The following ZNF786 variants were observed in gnomAD, a reference collection of about 807,000 sequenced individuals.
ZNF786 encodes zinc finger protein 786.
Under a neutral mutation model 63.1 loss-of-function variants are expected in ZNF786, and 56 were observed. That is an observed-to-expected ratio of 0.89 (90% CI 0.72 to 1.11). The LOEUF (loss-of-function observed/expected upper bound fraction) is 1.11, where lower values mean the gene tolerates loss of function less well. Ranked by LOEUF, ZNF786 falls within the 50% of genes least tolerant of loss-of-function variation. The pLI, the probability that ZNF786 is intolerant of heterozygous loss-of-function variation, is 0.00. For synonymous variants in ZNF786, 485 were observed against 406.9 expected (o/e 1.19, Z -2.31); for missense variants, 1,213 against 1,041.8 (o/e 1.16, Z -2.26).
intron 2 of ZNF786, among the ~76,000 whole-genome samples, chr7:149,075,807 C>T (rs207468789): frequency 4.6e-5 from 7 of 151,718 alleles, no homozygotes; most frequent in Admixed American, 3.3e-4. Context: ...GGACTACAGG[C>T]GGGAGCCACC....
In ZNF786 at chr7:149,071,169, T is replaced by G; in HGVS notation, c.1603A>C (p.Arg535=). The change falls in exon 4 of 4, where the codon AGG becomes CGG. Residue 535 remains arginine, a synonymous_variant. Coordinates refer to ENST00000491431, the MANE Select transcript of ZNF786 (RefSeq NM_152411.4). ...REHLRVHSGE[R]PFQCLKCDKR... ...TCGCACTTCAGGCACTGGAAGGGCC[T>G]CTCCCCGCTGTGCACTCTCAGGTGC... 1 of 1,612,376 alleles carries G rather than the reference T, an allele frequency of 6.2e-7. No homozygotes were observed. Among genetic ancestry groups the G allele is most frequent in the Non-Finnish European group, 8.5e-7 (1 of 1,179,358 alleles).
Position 149,072,341 on chromosome 7 carries a change from T to C in ZNF786, c.431A>G (p.His144Arg). Residue 144 changes from histidine to arginine, a missense_variant, in exon 4 of 4, where the codon CAC becomes CGC. Physicochemically the swap from His to Arg is conservative, Grantham distance 29 (BLOSUM62 0). Transcript: ENST00000491431. ...TAGTGGTGGAGGAGCCCTGGCGTCG[T>C]GTCTCTGTGGGCTCCCGAGGGTGAT... ...QGITLGSPQR[H>R]DARAPPPLAC... 6.2e-7 allele frequency: 1 copy of C among 1,613,744 alleles called. No homozygotes were observed. Among genetic ancestry groups the C allele is most frequent in the Middle Eastern group, 1.6e-4 (1 of 6,062 alleles).
At chr7:149,080,813 A>G (rs941929497) in intron 1 of ZNF786, 96 bp from the exon 2 acceptor site, 8 of 1,463,480 alleles carry the variant, frequency 5.5e-6, no homozygotes, top group Non-Finnish European at 7.3e-6. Context: ...TGCAGTGGAC[A>G]AATGTTTTTG....
chr7:149,084,162 AC>A (rs973618153), intron 1 of ZNF786, among the ~76,000 whole-genome samples: 1 of 151,998 alleles, frequency 6.6e-6, no homozygotes, highest in Non-Finnish European at 1.5e-5. Flanking sequence ...GGAGTTCTAG[AC>A]CAGCCTGGCC....
chr7:149,074,319 A>T (rs952002639), intron 3 of ZNF786, 67 bp downstream of exon 3: 214 of 1,576,574 alleles, frequency 1.4e-4, no homozygotes, highest in Non-Finnish European at 1.8e-4. Flanking sequence ...GGATGACAAG[A>T]TCAGAGAAGA....
Position 149,071,664 on chromosome 7 carries a change from A to G in ZNF786, c.1108T>C (p.Ser370Pro), listed in dbSNP as rs777006177. Residue 370 changes from serine (S) to proline (P), a missense_variant, in exon 4 of 4, where the codon TCC becomes CCC. Ser to Pro is a moderately conservative substitution (Grantham distance 74). Coordinates refer to ENST00000491431, the MANE Select transcript of ZNF786 (RefSeq NM_152411.4). The part of the protein sequence containing the change: ...ALQHGAEGPC[S>P]CSECGERSPM... ...GAGCGCTCGCCACACTCCGAGCAGG[A>G]GCAGGGCCCCTCTGCGCCATGCTGC... The G allele has an allele frequency of 2.6e-6, 4 of 1,568,454 alleles. No homozygotes were observed. Among genetic ancestry groups the G allele is most frequent in the African/African-American group, 1.4e-5 (1 of 74,068 alleles).
intron 1 of ZNF786, among the ~76,000 whole-genome samples, chr7:149,086,643 CACACACAT>C (rs1484516660): frequency 9.3e-5 from 14 of 151,226 alleles, no homozygotes; most frequent in Non-Finnish European, 1.5e-4. Flanking sequence ...CACACACACA[CACACACAT>C]ACACACAAAA....
rs750864061 is a variant in ZNF786 at position 149,090,636 on chromosome 7, G to A, written c.5C>T (p.Ala2Val). 3 of 1,590,256 alleles carry A rather than the reference G, an allele frequency of 1.9e-6. No individual in the cohort carries two copies. The East Asian group carries it at 6.9e-5, about 37-fold the overall frequency. The stretch of plus-strand genomic sequence containing the variant: ...TAGCCCGCTTACCCGAGGCGGCTCC[G>A]CCATGGTCCCCGCGGTCCCGCCCGG... M[A>V]EPPRLPLTFE... Residue 2 changes from alanine to valine, a missense_variant, in exon 1 of 4, where the codon GCG (alanine) becomes GTG (valine). Transcript: ENST00000491431.
At position 149,071,519 on chromosome 7, in the gene ZNF786, G is replaced by C; in HGVS notation, c.1253C>G (p.Ala418Gly). ...LRRLLQVHQH[A>G]HGGERPFSCR... ...GGAGAACGGTCTCTCCCCACCGTGCGCGTGCTGGTGGACCTGCAGCAGGCG... is the reference window on the plus strand; with the variant it reads ...GGAGAACGGTCTCTCCCCACCGTGCCCGTGCTGGTGGACCTGCAGCAGGCG... Residue 418 changes from alanine to glycine, a missense_variant, in exon 4 of 4, where the codon GCG (alanine) becomes GGG (glycine). Ala to Gly is a moderately conservative substitution (Grantham distance 60). Transcript: ENST00000491431. 6.2e-7 allele frequency: 1 copy of C among 1,613,250 alleles called. No individual in the cohort carries two copies. Among genetic ancestry groups the C allele is most frequent in the Non-Finnish European group, 8.5e-7 (1 of 1,179,854 alleles).
At position 149,072,705 on chromosome 7, in the gene ZNF786, C is replaced by T. The variant is rs561534030; in HGVS notation, c.299-232G>A. Among the ~76,000 whole-genome samples, 17 of 152,236 alleles carry T rather than the reference C, an allele frequency of 1.1e-4. No homozygotes were observed. In the South Asian group the frequency reaches 2.1e-3, roughly 19 times the overall value. On this transcript the variant is annotated intron_variant, in intron 3 of 3. Coordinates refer to ENST00000491431, the MANE Select transcript of ZNF786 (RefSeq NM_152411.4). ...ATATTGAAAAAAGGAAAATATAGGT[C>T]GCAAATATAGAGTGTAAGCTCTGGA...
At chr7:149,076,454 C>A (rs1313080952) in intron 2 of ZNF786, among the ~76,000 whole-genome samples, 1 of 148,380 alleles carries the variant, frequency 6.7e-6, no homozygotes, top group African/African-American at 2.5e-5. Context: ...CCAGGCCGGG[C>A]GCAGTGGCTC....
At chr7:149,085,688 ATGGCC>A (rs1374459564) in intron 1 of ZNF786, among the ~76,000 whole-genome samples, 1,635 of 152,238 alleles carry the variant, frequency 0.011, 28 homozygotes, top group African/African-American at 0.038. Context: ...TTTGGGCAGT[ATGGCC>A]ATTTTAACAA....
chr7:149,074,831 A>ATT (rs971900382), intron 2 of ZNF786, among the ~76,000 whole-genome samples: 4 of 151,142 alleles, frequency 2.6e-5, no homozygotes, highest in African/African-American at 4.9e-5. Flanking sequence ...ATATATATAT[A>ATT]TTTTTAAAAT....
At chr7:149,088,592 A>G (rs1825774656) in intron 1 of ZNF786, among the ~76,000 whole-genome samples, 1 of 152,214 alleles carries the variant, frequency 6.6e-6, no homozygotes, top group African/African-American at 2.4e-5. Context: ...CTTACTTTTA[A>G]AACTTTTTTA....
In ZNF786 at chr7:149,070,981, C is replaced by T; in HGVS notation, c.1791G>A (p.Glu597=). 6.2e-7 allele frequency: 1 copy of T among 1,613,308 alleles called. No homozygotes were observed. The highest frequency in any genetic ancestry group is 8.5e-7 in the Non-Finnish European group (1 of 1,179,920). The change falls in exon 4 of 4, where the codon GAG becomes GAA. Residue 597 remains glutamate (E), a synonymous_variant. Transcript: ENST00000491431. ...HSGERPFQCP[E]CNRSFRLKGQ... The stretch of plus-strand genomic sequence containing the variant: ...CCTTCAGGCGGAAGCTCCTGTTGCA[C>T]TCTGGGCACTGGAAGGGTCTCTCCC...
chr7:149,070,749 G>C lies in ZNF786; in HGVS notation c.2023C>G (p.Pro675Ala). 4 of 1,613,824 alleles carry C rather than the reference G, an allele frequency of 2.5e-6. No individual in the cohort carries two copies. Among genetic ancestry groups the C allele is most frequent in the African/African-American group, 1.3e-5 (1 of 75,052 alleles). Reference protein sequence around the residue: ...EHIRTHTGEKPFQCPKCDKSF... With the variant: ...EHIRTHTGEKAFQCPKCDKSF... ...TTGTCACACTTGGGACACTGAAAAG[G>C]CTTCTCTCCCGTGTGCGTTCTGATG... is the stretch of plus-strand genomic sequence containing the variant. The change falls in exon 4 of 4, where the codon CCT (proline) becomes GCT (alanine). Residue 675 changes from proline (P) to alanine (A), a missense_variant. Physicochemically the swap from Pro to Ala is conservative, Grantham distance 27. Coordinates refer to ENST00000491431, the MANE Select transcript of ZNF786 (RefSeq NM_152411.4).
rs1330065935 is a variant in ZNF786 at position 149,070,888 on chromosome 7, C to G, written c.1884G>C (p.Lys628Asn). The change falls in exon 4 of 4, where the codon AAG becomes AAC. Residue 628 changes from lysine to asparagine, a missense_variant. Transcript: ENST00000491431. Reference protein sequence around the residue: ...ERPFQCPECDKRYRVKADMKA... With the variant: ...ERPFQCPECDNRYRVKADMKA... ...TCATGTCGGCCTTCACGCGATAGCG[C>G]TTGTCGCACTCCGGACACTGGAAGG... The G allele has an allele frequency of 3.1e-6, 5 of 1,613,726 alleles. No homozygotes were observed. Among genetic ancestry groups the G allele is most frequent in the Non-Finnish European group, 4.2e-6 (5 of 1,179,958 alleles).
In ZNF786 at chr7:149,070,880, C is replaced by T. The variant is rs200913705; in HGVS notation, c.1892G>A (p.Arg631His). ...GTGGGCCTTCATGTCGGCCTTCACGCGATAGCGCTTGTCGCACTCCGGACA... is the reference window on the plus strand; with the variant it reads ...GTGGGCCTTCATGTCGGCCTTCACGTGATAGCGCTTGTCGCACTCCGGACA... ...FQCPECDKRYRVKADMKAHQL... is the reference protein window; with the variant it reads ...FQCPECDKRYHVKADMKAHQL... The change falls in exon 4 of 4, where the codon CGC becomes CAC. Residue 631 changes from arginine to histidine, a missense_variant. Transcript: ENST00000491431. 1.2e-6 allele frequency: 2 copies of T among 1,613,430 alleles called. No individual in the cohort carries two copies. The highest frequency in any genetic ancestry group is 2.2e-5 in the East Asian group (1 of 44,854).
chr7:149,070,694 CTG>C lies in ZNF786; in HGVS notation c.2076_2077del (p.Ser693ProfsTer15). 1 of 1,613,910 alleles carries C rather than the reference CTG, an allele frequency of 6.2e-7. No homozygotes were observed. Among genetic ancestry groups the C allele is most frequent in the Admixed American group, 1.7e-5 (1 of 60,022 alleles). On this transcript the variant is annotated frameshift_variant, in exon 4 of 4. Coordinates refer to ENST00000491431, the MANE Select transcript of ZNF786 (RefSeq NM_152411.4). LOFTEE classifies it high-confidence loss of function. ...CTCCCCTGTGTGCAGGCCCTGATGG[CTG>C]AGCAGCTGCGCCTTCAGGCGGAAAC...
Sources: gnomAD v4.1 joint callset for allele counts (sites outside exome capture counted in the v4.1 genomes callset) on GRCh38, gnomAD v4.1.1 for gene constraint, MANE v1.5 for transcripts, NCBI Gene and HGNC (gene_info 2026-07-23, HGNC 2026-07-21) for gene names.